Variants in CTNNA3 observed in about 807,000 individuals in gnomAD.
The protein encoded by CTNNA3 is catenin alpha-3.
Under a neutral mutation model 95.7 loss-of-function variants are expected in CTNNA3, and 76 were observed. That is an observed-to-expected ratio of 0.79 (90% CI 0.66 to 0.96). CTNNA3 has a LOEUF of 0.96. CTNNA3 is among the 40% of genes least tolerant of loss of function. The pLI, the probability that CTNNA3 is intolerant of heterozygous loss-of-function variation, is 0.00. For missense variants in CTNNA3, 1,191 were observed against 1,089.8 expected, an observed-to-expected ratio of 1.09 and a Z score of -1.31; for synonymous variants, 431 against 374.4, an observed-to-expected ratio of 1.15 and a Z score of -1.74.
At chr10:65,977,607 C>T (rs1464404659) in intron 16 of CTNNA3, among the ~76,000 whole-genome samples, 1 of 151,840 alleles carries the variant, frequency 6.6e-6, no homozygotes, top group African/African-American at 2.4e-5. Context: ...ATGGTGAAAC[C>T]TCATCTCTAC....
At chr10:66,928,329 A>T in intron 7 of CTNNA3, 1 of 1,614,132 alleles carries the variant, frequency 6.2e-7, no homozygotes, top group Non-Finnish European at 8.5e-7. Context: ...CCCTAAAGCA[A>T]ATGACTCCCA....
chr10:67,126,456 G>A (rs1859726264), intron 7 of CTNNA3, among the ~76,000 whole-genome samples: 1 of 152,222 alleles, frequency 6.6e-6, no homozygotes, highest in African/African-American at 2.4e-5. Flanking sequence ...GATCCCGGGA[G>A]GCGGAGCCAA....
chr10:66,705,786 A>G (rs149784771), intron 9 of CTNNA3, among the ~76,000 whole-genome samples: 166 of 152,102 alleles, frequency 1.1e-3, no homozygotes, highest in African/African-American at 3.8e-3. Flanking sequence ...AATGCTACCC[A>G]TGGTTACACT....
intron 17 of CTNNA3, among the ~76,000 whole-genome samples, chr10:65,954,238 A>AT (rs1174867384): frequency 2.0e-5 from 3 of 151,830 alleles, no homozygotes; most frequent in African/African-American, 7.3e-5. Context: ...GGGCTGTTTG[A>AT]TTTTTTCTTG....
At chr10:66,603,032 A>G (rs1008345155) in intron 10 of CTNNA3, among the ~76,000 whole-genome samples, 1 of 152,128 alleles carries the variant, frequency 6.6e-6, no homozygotes, top group Admixed American at 6.5e-5. Context: ...GACCTGGAAC[A>G]AGTCTACGAT....
At chr10:66,200,442 GTT>G (rs2087323170) in intron 13 of CTNNA3, among the ~76,000 whole-genome samples, 2 of 152,150 alleles carry the variant, frequency 1.3e-5, no homozygotes, top group Non-Finnish European at 2.9e-5. Flanking sequence ...TCTTGCAAGG[GTT>G]CTGGACATTT....
intron 1 of CTNNA3, among the ~76,000 whole-genome samples, chr10:67,726,395 TTA>T (rs1459535669): frequency 1.5e-5 from 1 of 67,744 alleles, no homozygotes; most frequent in Non-Finnish European, 2.2e-5. Context: ...ATTATATATA[TTA>T]TATATTATAT....
At chr10:67,079,253 G>C (rs1274774796) in intron 7 of CTNNA3, among the ~76,000 whole-genome samples, 1 of 152,148 alleles carries the variant, frequency 6.6e-6, no homozygotes, top group African/African-American at 2.4e-5. Flanking sequence ...ATAGAACAAG[G>C]GGAAGAGTCC....
chr10:66,715,368 C>A (rs1335303255), intron 9 of CTNNA3, among the ~76,000 whole-genome samples: 1 of 152,050 alleles, frequency 6.6e-6, no homozygotes, highest in African/African-American at 2.4e-5. Flanking sequence ...ATAGTTATGG[C>A]TCCTTAAGGA....
chr10:66,505,301 A>C (rs1370203429), intron 11 of CTNNA3, among the ~76,000 whole-genome samples: 2 of 152,316 alleles, frequency 1.3e-5, no homozygotes, highest in African/African-American at 4.8e-5. Context: ...ATTACCAATA[A>C]AGCAATAATG....
intron 10 of CTNNA3, among the ~76,000 whole-genome samples, chr10:66,537,267 T>C (rs983787834): frequency 2.4e-4 from 36 of 152,172 alleles, no homozygotes; most frequent in African/African-American, 7.9e-4. Flanking sequence ...AAACTAATGG[T>C]CAGGATTGCA....
intron 11 of CTNNA3, among the ~76,000 whole-genome samples, chr10:66,439,057 G>A (rs2093358303): frequency 6.6e-6 from 1 of 152,026 alleles, no homozygotes. Context: ...GATGAGTCAG[G>A]TACCTCAGTT....
At chr10:66,132,021 C>T (rs1325534776) in intron 13 of CTNNA3, among the ~76,000 whole-genome samples, 2 of 152,122 alleles carry the variant, frequency 1.3e-5, no homozygotes, top group Admixed American at 6.5e-5. Context: ...ACACTGAAGG[C>T]AATTGCAACA....
At chr10:66,666,322 A>G (rs973225786) in intron 9 of CTNNA3, among the ~76,000 whole-genome samples, 1 of 152,172 alleles carries the variant, frequency 6.6e-6, no homozygotes, top group Non-Finnish European at 1.5e-5. Context: ...CTGTCCATTC[A>G]GGGTTTGACT....
Position 66,922,604 on chromosome 10 carries a change from A to G in CTNNA3, c.1048-147080T>C, listed in dbSNP as rs1212313591. Among the ~76,000 whole-genome samples the G allele has an allele frequency of 2.0e-5, 3 of 152,192 alleles. No homozygotes were observed. In the East Asian group the frequency reaches 5.8e-4, roughly 29 times the overall value. ...TGATGCCGACTTAAGGGGTCGTGCCAAAGTAGGGGCCATACACAGTTCCTG... is the reference window on the plus strand; with the variant it reads ...TGATGCCGACTTAAGGGGTCGTGCCGAAGTAGGGGCCATACACAGTTCCTG... On this transcript the variant is annotated intron_variant, in intron 7 of 17. Coordinates refer to ENST00000433211, the MANE Select transcript of CTNNA3 (RefSeq NM_013266.4).
intron 13 of CTNNA3, among the ~76,000 whole-genome samples, chr10:66,240,520 TACTACAAAATTAAAGGAACAG>T (rs1427365841): frequency 6.6e-6 from 1 of 152,072 alleles, no homozygotes; most frequent in Non-Finnish European, 1.5e-5. Context: ...TGCGCTATAG[TACTACAAAATTAAAGGAACAG>T]ACTACAAAAT....
chr10:66,712,368 T>C (rs1848322785), intron 9 of CTNNA3, among the ~76,000 whole-genome samples: 2 of 152,134 alleles, frequency 1.3e-5, no homozygotes, highest in South Asian at 2.1e-4. Flanking sequence ...TAGGCAAACA[T>C]GTAGCCTGCA....
chr10:65,924,254 A>T (rs1328551265), intron 17 of CTNNA3, among the ~76,000 whole-genome samples: 1 of 152,090 alleles, frequency 6.6e-6, no homozygotes, highest in East Asian at 1.9e-4. Context: ...CAGTGTTTCA[A>T]CCTTAGCTTC....
At chr10:66,119,236 A>G (rs2082468033) in intron 13 of CTNNA3, among the ~76,000 whole-genome samples, 1 of 152,200 alleles carries the variant, frequency 6.6e-6, no homozygotes, top group South Asian at 2.1e-4. Flanking sequence ...AGCTAATGTA[A>G]CATTGCCCAA....
Sources: allele counts gnomAD v4.1 joint callset (sites outside exome capture counted in the v4.1 genomes callset), GRCh38; gene constraint gnomAD v4.1.1; transcripts MANE v1.5; gene names NCBI Gene and HGNC (gene_info 2026-07-23, HGNC 2026-07-21).